TMEM63B: variants seen among roughly 807,000 people sequenced by gnomAD.
TMEM63B encodes transmembrane protein 63B.
Under a neutral mutation model 102.6 loss-of-function variants are expected in TMEM63B, and 23 were observed. That is an observed-to-expected ratio of 0.22 (90% CI 0.16 to 0.32). The LOEUF is 0.32. TMEM63B is among the 10% of genes least tolerant of loss of function. The pLI, the probability that TMEM63B is intolerant of heterozygous loss-of-function variation, is 1.00. For synonymous variants in TMEM63B, 444 were observed against 437.0 expected, an observed-to-expected ratio of 1.02 and a Z score of -0.20; for missense variants, 628 against 1,095.9, an observed-to-expected ratio of 0.57 and a Z score of 6.03.
At position 44,148,610 on chromosome 6, in the gene TMEM63B, T is replaced by G; in HGVS notation, c.1219T>G (p.Trp407Gly). Residue 407 changes from tryptophan to glycine, a missense_variant, in exon 14 of 24, where the codon TGG becomes GGG. Coordinates refer to ENST00000323267, the MANE Select transcript of TMEM63B (RefSeq NM_018426.3). This position sits in a 1 kb window ranked among gnomAD's most constrained non-coding sequence, Gnocchi z 5.1. ...SCSESLHISN[W>G]TVSYAPDPQN... is the part of the protein sequence containing the mutation. ...CAGCGAGTCCCTGCACATCTCCAAC[T>G]GGACCGTGTCCTATGCCCCTGACCC... 1.2e-6 allele frequency: 2 copies of G among 1,614,206 alleles called. No homozygotes were observed. The highest frequency in any genetic ancestry group is 1.7e-6 in the Non-Finnish European group (2 of 1,180,026).
chr6:44,153,477 A>T (rs3813503), intron 20 of TMEM63B, among the ~76,000 whole-genome samples, 199 bp from the exon 21 acceptor site: 38,751 of 151,996 alleles, frequency 0.25, 5,128 homozygotes, highest in East Asian at 0.31. Context: ...TGATGAGGAG[A>T]GTAGAATGAG....
intron 1 of TMEM63B, 119 bp from the exon 2 acceptor site, chr6:44,134,442 G>A: frequency 2.9e-6 from 3 of 1,041,418 alleles, no homozygotes; most frequent in Admixed American, 5.5e-5. Context: ...AGAGGCCAGA[G>A]CTTCCATCCA....
intron 1 of TMEM63B, among the ~76,000 whole-genome samples, chr6:44,130,749 C>CT (rs34384158): frequency 0.61 from 84,165 of 138,234 alleles, 26,260 homozygotes; most frequent in East Asian, 0.82. Flanking sequence ...CCATGCCTGG[C>CT]TTTTTTTTTT....
intron 20 of TMEM63B, among the ~76,000 whole-genome samples, chr6:44,153,024 C>T (rs116381382): frequency 0.016 from 2,455 of 152,356 alleles, 27 homozygotes; most frequent in Middle Eastern, 0.058. Flanking sequence ...TTCACACACA[C>T]ACTCCCACAC....
chr6:44,142,730 A>G (rs1187341082), intron 10 of TMEM63B, among the ~76,000 whole-genome samples: 2 of 152,078 alleles, frequency 1.3e-5, no homozygotes, highest in South Asian at 2.1e-4. Context: ...TCAGTCTACC[A>G]TCAGAATCAG....
chr6:44,153,337 C>T (rs1052601613), intron 20 of TMEM63B, among the ~76,000 whole-genome samples: 2 of 152,190 alleles, frequency 1.3e-5, no homozygotes, highest in African/African-American at 4.8e-5. Context: ...TATCCCTCAG[C>T]CTCTGGGGAA....
rs771763831 is a variant in TMEM63B, at chr6:44,148,525, C to A, written c.1134C>A (p.Asp378Glu). The A allele has an allele frequency of 6.2e-7, 1 of 1,614,130 alleles. No individual in the cohort carries two copies. Among genetic ancestry groups the A allele is most frequent in the South Asian group, 1.1e-5 (1 of 91,078 alleles). ...CCCATCTTTCTAGCATCCTGAAGGACTTCAACGTGTGTAAATGCCAGGGCT... is the reference window on the plus strand; with the variant it reads ...CCCATCTTTCTAGCATCCTGAAGGAATTCAACGTGTGTAAATGCCAGGGCT... ...NETITAIILK[D>E]FNVCKCQGCT... Residue 378 changes from aspartate (D) to glutamate (E), a missense_variant, in exon 14 of 24, where the codon GAC becomes GAA. Asp to Glu is a conservative substitution (Grantham distance 45). Coordinates refer to ENST00000323267, the MANE Select transcript of TMEM63B (RefSeq NM_018426.3). The surrounding 1 kb of genome is among the most constrained non-coding windows in gnomAD (Gnocchi z 5.1).
chr6:44,151,951 G>C lies in TMEM63B; in HGVS notation c.1779G>C (p.Met593Ile). The C allele has an allele frequency of 1.2e-6, 2 of 1,613,354 alleles. No homozygotes were observed. Among genetic ancestry groups the C allele is most frequent in the Non-Finnish European group, 1.7e-6 (2 of 1,179,550 alleles). Residue 593 changes from methionine to isoleucine, a missense_variant, in exon 19 of 24, where the codon ATG (methionine) becomes ATC (isoleucine). Transcript: ENST00000323267. ...MDLLRIPGLL[M>I]YMIRLCLARS... ...TGCTGCGCATCCCAGGCCTGCTCAT[G>C]TACATGATCCGGCTCTGCCTGGCGC...
Position 44,150,056 on chromosome 6 carries a change from G to A in TMEM63B, c.1520+91G>A. 1 of 1,415,388 alleles carries A rather than the reference G, an allele frequency of 7.1e-7. No homozygotes were observed. 87.7% of individuals were successfully genotyped at this position (1,415,388 alleles called of 1,614,324 possible). A position where few individuals can be genotyped will look rare whatever the true frequency, so the allele number is the denominator to read the frequency against. On this transcript the variant is annotated intron_variant, in intron 16 of 23. Transcript: ENST00000323267. This position sits in a 1 kb window ranked among gnomAD's most constrained non-coding sequence, Gnocchi z 4.7. ...CAGCACTTTGCCCTTCAGGCTCCTGGCCCTGGGCAGTCCCACAGCTGGTAG... is the reference window on the plus strand; with the variant it reads ...CAGCACTTTGCCCTTCAGGCTCCTGACCCTGGGCAGTCCCACAGCTGGTAG...
chr6:44,154,006 G>A (rs1189002231), intron 21 of TMEM63B, 67 bp from the exon 22 acceptor site: 2 of 1,571,378 alleles, frequency 1.3e-6, no homozygotes, highest in African/African-American at 1.3e-5. Flanking sequence ...CATTCAGAGG[G>A]TATCAGAAGC....
Position 44,150,548 on chromosome 6 carries a change from C to T in TMEM63B, c.1608-16C>T, listed in dbSNP as rs1255618535. 1.2e-6 allele frequency: 2 copies of T among 1,614,076 alleles called. No individual in the cohort carries two copies. The highest frequency in any genetic ancestry group is 1.7e-6 in the Non-Finnish European group (2 of 1,179,948). Reference sequence around the variant, plus strand: ...CACTCCAGCTCCCACCCCATCTCTCCTCTGCTTCCCTCCAGCCTGGACCTC... The same window carrying T: ...CACTCCAGCTCCCACCCCATCTCTCTTCTGCTTCCCTCCAGCCTGGACCTC... On this transcript the variant is annotated splice_polypyrimidine_tract_variant and intron_variant, in intron 17 of 23. Coordinates refer to ENST00000323267, the MANE Select transcript of TMEM63B (RefSeq NM_018426.3). The surrounding 1 kb of genome is among the most constrained non-coding windows in gnomAD (Gnocchi z 4.7).
intron 10 of TMEM63B, among the ~76,000 whole-genome samples, chr6:44,145,762 C>T (rs150713623): frequency 2.0e-5 from 3 of 151,880 alleles, no homozygotes; most frequent in African/African-American, 7.3e-5. Context: ...ACAACAAGAC[C>T]CCATCTCAGA....
rs1455745105 is a variant in TMEM63B, at chr6:44,154,913, C to G, written c.*30C>G. ...AGGGAGGGGCCCTGGAGGCCACATC[C>G]TGCCCCACCCCACCCCCACTCCCAC... On this transcript the variant is annotated 3_prime_UTR_variant, in exon 24 of 24. Coordinates refer to ENST00000323267, the MANE Select transcript of TMEM63B (RefSeq NM_018426.3). 6.7e-7 allele frequency: 1 copy of G among 1,483,918 alleles called. No individual in the cohort carries two copies. Among genetic ancestry groups the G allele is most frequent in the South Asian group, 1.4e-5 (1 of 71,392 alleles). The allele number at this position is 1,483,918 out of a possible 1,614,324, so 91.9% of individuals were successfully genotyped here.
At chr6:44,145,363 C>G (rs911492165) in intron 10 of TMEM63B, among the ~76,000 whole-genome samples, 14 of 150,090 alleles carry the variant, frequency 9.3e-5, no homozygotes, top group Admixed American at 2.0e-4. Context: ...GGCCAATCAC[C>G]TGAGGTCAGG....
chr6:44,148,011 C>T lies in TMEM63B; in HGVS notation c.988-241C>T, dbSNP rs1765780142. Among the ~76,000 whole-genome samples the T allele has an allele frequency of 6.6e-6, 1 of 152,092 alleles. No homozygotes were observed. ...GGTACTGCACACATGTATTCCCAGC[C>T]ACTTGGGAGGCTGAGGTGGGAGGGT... On this transcript the variant is annotated intron_variant, in intron 12 of 23. Transcript: ENST00000323267. The surrounding 1 kb of genome is among the most constrained non-coding windows in gnomAD (Gnocchi z 5.1).
chr6:44,136,426 A>G lies in TMEM63B; in HGVS notation c.356A>G (p.Asp119Gly). 6.2e-7 allele frequency: 1 copy of G among 1,613,752 alleles called. No homozygotes were observed. The part of the protein sequence containing the change: ...LTSVSSSVDF[D>G]QRDNGFCSWL... ...TCTGTCTCCAGCTCCGTTGACTTTGACCAAAGGGACAATGTGAGTGCCCTC... is the reference window on the plus strand; with the variant it reads ...TCTGTCTCCAGCTCCGTTGACTTTGGCCAAAGGGACAATGTGAGTGCCCTC... Residue 119 changes from aspartate (D) to glycine (G), a missense_variant, in exon 5 of 24, where the codon GAC (aspartate) becomes GGC (glycine). By Grantham distance (94) the Asp-to-Gly change is moderately conservative (BLOSUM62 -1). Coordinates refer to ENST00000323267, the MANE Select transcript of TMEM63B (RefSeq NM_018426.3).
intron 1 of TMEM63B, among the ~76,000 whole-genome samples, chr6:44,129,165 C>A (rs990131681): frequency 6.6e-6 from 1 of 151,960 alleles, no homozygotes; most frequent in African/African-American, 2.4e-5. Context: ...GTCAGGAGTT[C>A]GAGACCAGCC....
At chr6:44,130,957 G>A (rs560923226) in intron 1 of TMEM63B, among the ~76,000 whole-genome samples, 229 of 151,426 alleles carry the variant, frequency 1.5e-3, no homozygotes, top group African/African-American at 5.3e-3. Flanking sequence ...TCACTCTGTC[G>A]CCCAGGCTGG....
intron 1 of TMEM63B, among the ~76,000 whole-genome samples, chr6:44,130,642 G>A (rs1778087638): frequency 6.6e-6 from 1 of 151,690 alleles, no homozygotes; most frequent in African/African-American, 2.4e-5. Context: ...GTAGAGACGG[G>A]GTTTTGCTAT....
Sources: gnomAD v4.1 joint callset for allele counts (sites outside exome capture counted in the v4.1 genomes callset) on GRCh38, gnomAD v4.1.1 for gene constraint, Gnocchi (gnomAD v3.1) non-coding constraint, MANE v1.5 for transcripts, NCBI Gene and HGNC (gene_info 2026-07-23, HGNC 2026-07-21) for gene names.